The following HNRNPUL2 variants were observed in gnomAD, a reference collection of about 807,000 sequenced individuals.
HNRNPUL2 encodes heterogeneous nuclear ribonucleoprotein U-like protein 2.
In HNRNPUL2, 27 loss-of-function variants were observed where a neutral mutation model predicts 102.2. The observed-to-expected ratio is 0.26, with a 90% CI of 0.19 to 0.36. The LOEUF is 0.36. HNRNPUL2 is among the 10% of genes least tolerant of loss of function. The probability of loss-of-function intolerance (pLI) is 1.00; values close to 1 mark genes in which losing one functional copy is unlikely to be tolerated. For missense variants in HNRNPUL2, 936 were observed against 981.1 expected, an observed-to-expected ratio of 0.95 and a Z score of 0.61; for synonymous variants, 458 against 387.2, an observed-to-expected ratio of 1.18 and a Z score of -2.15.
Position 62,727,274 on chromosome 11 carries a change from C to G in HNRNPUL2, c.-118G>C. 5 of 1,198,858 alleles carry G rather than the reference C, an allele frequency of 4.2e-6. No homozygotes were observed. The highest frequency in any genetic ancestry group is 5.2e-6 in the Non-Finnish European group (5 of 961,626). 74.3% of individuals were successfully genotyped at this position (1,198,858 alleles called of 1,614,324 possible). A position where few individuals can be genotyped will look rare whatever the true frequency, so the allele number is the denominator to read the frequency against. On this transcript the variant is annotated 5_prime_UTR_variant, in exon 1 of 14. Coordinates refer to ENST00000301785, the MANE Select transcript of HNRNPUL2 (RefSeq NM_001079559.3). ...TCCGCCTCACGCGCCAGCACTGAGCCCGCGCGAGCGAGCGCACGCACGCAG... is the reference window on the plus strand; with the variant it reads ...TCCGCCTCACGCGCCAGCACTGAGCGCGCGCGAGCGAGCGCACGCACGCAG...
intron 9 of HNRNPUL2, among the ~76,000 whole-genome samples, chr11:62,720,708 C>T (rs2083695272): frequency 6.6e-6 from 1 of 151,468 alleles, no homozygotes; most frequent in African/African-American, 2.4e-5. Context: ...ACTAAAAATA[C>T]AAAAAATTAG....
rs1394762150 is a variant in HNRNPUL2 at position 62,727,217 on chromosome 11, C to T, written c.-61G>A. 1 of 1,329,584 alleles carries T rather than the reference C, an allele frequency of 7.5e-7. No homozygotes were observed. Among genetic ancestry groups the T allele is most frequent in the Non-Finnish European group, 9.6e-7 (1 of 1,044,142 alleles). The allele number at this position is 1,329,584 out of a possible 1,614,324, so 82.4% of individuals were successfully genotyped here. A position where few individuals can be genotyped will look rare whatever the true frequency, so the allele number is the denominator to read the frequency against. On this transcript the variant is annotated 5_prime_UTR_variant, in exon 1 of 14. Transcript: ENST00000301785. ...TCCCCTGCGAACCGTCGACCGAGTCCGACCGCGCAGGCGCCGCCGCCGCCG... is the reference window on the plus strand; with the variant it reads ...TCCCCTGCGAACCGTCGACCGAGTCTGACCGCGCAGGCGCCGCCGCCGCCG...
In HNRNPUL2 at chr11:62,715,865, C is replaced by T. The variant is rs371447865; in HGVS notation, c.2054G>A (p.Gly685Glu). The T allele has an allele frequency of 2.5e-6, 4 of 1,613,332 alleles. No individual in the cohort carries two copies. In the African/African-American group the frequency reaches 5.3e-5, roughly 22 times the overall value. ...GAGCAGAAGGAGAGCTGCACTCACC[C>T]CTCTGTTTCCAGGCTGCCCCCAGTA... ...QQYWGQPGNR[G>E]GYRNFYDRYR... is the part of the protein sequence containing the mutation. The change falls in exon 12 of 14, where the codon GGG becomes GAG. Residue 685 changes from glycine to glutamate, a missense_variant and splice_region_variant. Around this residue, in one of 2 missense-constraint regions of HNRNPUL2, gnomAD observed 609 missense variants for 713.0 expected, o/e 0.85. Transcript: ENST00000301785.
chr11:62,721,226 C>A, intron 9 of HNRNPUL2, 69 bp downstream of exon 9: 2 of 1,405,054 alleles, frequency 1.4e-6, no homozygotes, highest in Non-Finnish European at 1.9e-6. Flanking sequence ...GCTGACTCTG[C>A]TCCTTAATTC....
rs573645453 is a variant in HNRNPUL2, at chr11:62,714,140, C to G, written c.*1159G>C. 3 of 146,648 alleles carry G rather than the reference C, an allele frequency of 2.0e-5. No homozygotes were observed. Among genetic ancestry groups the G allele is most frequent in the Admixed American group, 6.7e-5 (1 of 14,848 alleles). The allele number at this position is 146,648 out of a possible 1,614,324, so 9.1% of individuals were successfully genotyped here. On this transcript the variant is annotated 3_prime_UTR_variant, in exon 14 of 14. Coordinates refer to ENST00000301785, the MANE Select transcript of HNRNPUL2 (RefSeq NM_001079559.3). ...CAGCCCCACTGAGCTGCCTCCCACC[C>G]CCCCCCACCACCCTCCCCTCTTCTA...
rs1238788319 is a variant in HNRNPUL2, at chr11:62,723,643, A to T, written c.835T>A (p.Ser279Thr). 6.2e-7 allele frequency: 1 copy of T among 1,614,118 alleles called. No homozygotes were observed. The highest frequency in any genetic ancestry group is 8.5e-7 in the Non-Finnish European group (1 of 1,180,012). ...ACTCCGTAAGTACTCCTTGCCCCAG[A>T]CCAAAGGGTGGGGAACTTCTCTGAG... The part of the protein sequence containing the change: ...LFSEKFPTLW[S>T]GARSTYGVTK... The change falls in exon 4 of 14, where the codon TCT becomes ACT. Residue 279 changes from serine (S) to threonine (T), a missense_variant. Physicochemically the swap from Ser to Thr is moderately conservative, Grantham distance 58. Transcript: ENST00000301785.
chr11:62,715,584 T>C lies in HNRNPUL2; in HGVS notation c.2079A>G (p.Arg693=), dbSNP rs377478883. Residue 693 remains arginine, a synonymous_variant, in exon 13 of 14, where the codon CGA becomes CGG. Transcript: ENST00000301785. ...NRGGYRNFYD[R]YRGDYDRFYG... is the part of the protein sequence containing the mutation. ...AAAATCGATCATAGTCTCCCCTGTATCGATCATAGAAATTACGGTAACCCT... is the reference window on the plus strand; with the variant it reads ...AAAATCGATCATAGTCTCCCCTGTACCGATCATAGAAATTACGGTAACCCT... The C allele has an allele frequency of 3.8e-5, 62 of 1,613,124 alleles. No homozygotes were observed. The highest frequency in any genetic ancestry group is 5.3e-5 in the Non-Finnish European group (62 of 1,179,262).
In HNRNPUL2 at chr11:62,724,411, C is replaced by G. The variant is rs1170919986; in HGVS notation, c.554G>C (p.Ser185Thr). The part of the protein sequence containing the change: ...AAEEQGDDQD[S>T]EKSKPAGSDG... ...TGAGCCTGCTGGTTTTGACTTTTCACTATCCTGGTCATCTCCTACAAAAAC... is the reference window on the plus strand; with the variant it reads ...TGAGCCTGCTGGTTTTGACTTTTCAGTATCCTGGTCATCTCCTACAAAAAC... The change falls in exon 2 of 14, where the codon AGT (serine) becomes ACT (threonine). Residue 185 changes from serine (S) to threonine (T), a missense_variant. Ser to Thr is a moderately conservative substitution (Grantham distance 58, BLOSUM62 1). This residue lies in a region of HNRNPUL2 where 609 missense variants were observed against 713.0 expected (regional missense o/e 0.85). Transcript: ENST00000301785. 1.9e-6 allele frequency: 3 copies of G among 1,614,100 alleles called. No individual in the cohort carries two copies. The African/African-American group carries it at 4.0e-5, about 22-fold the overall frequency.
chr11:62,717,780 G>A (rs971556386), intron 10 of HNRNPUL2, among the ~76,000 whole-genome samples: 2 of 152,156 alleles, frequency 1.3e-5, no homozygotes, highest in Admixed American at 6.5e-5. Flanking sequence ...CTCTGGCCTC[G>A]CTGACAGAAG....
intron 10 of HNRNPUL2, among the ~76,000 whole-genome samples, chr11:62,718,733 CAA>C (rs2083678900): frequency 7.0e-6 from 1 of 143,438 alleles, no homozygotes. Context: ...GAAATGTAGA[CAA>C]ACAGTAGATG....
At chr11:62,722,011 G>A (rs759665902) in intron 7 of HNRNPUL2, 69 bp from the exon 8 acceptor site, 246 of 1,607,122 alleles carry the variant, frequency 1.5e-4, no homozygotes, top group Non-Finnish European at 2.0e-4. Context: ...ACCAATTTAA[G>A]AACATCCTCC....
At chr11:62,724,493 T>C (rs1466322108) in intron 1 of HNRNPUL2, 67 bp from the exon 2 acceptor site, 20 of 1,554,736 alleles carry the variant, frequency 1.3e-5, no homozygotes, top group South Asian at 1.1e-5. Context: ...TCACAACTAA[T>C]AGACACTAAC....
intron 1 of HNRNPUL2, among the ~76,000 whole-genome samples, chr11:62,726,369 G>A (rs1328654330): frequency 2.0e-5 from 3 of 152,196 alleles, no homozygotes; most frequent in Non-Finnish European, 4.4e-5. Flanking sequence ...TAGTTCGCAT[G>A]CAAAATCACT....
At position 62,712,864 on chromosome 11, in the gene HNRNPUL2, C is replaced by G. The variant is rs1265106389; in HGVS notation, c.*2435G>C. On this transcript the variant is annotated 3_prime_UTR_variant, in exon 14 of 14. Coordinates refer to ENST00000301785, the MANE Select transcript of HNRNPUL2 (RefSeq NM_001079559.3). The stretch of plus-strand genomic sequence containing the variant: ...TGTGGTGTTTTTCTCACAAGCTTTC[C>G]TGTCTACAACTACAACAGACGTCTG... 1.3e-5 allele frequency: 2 copies of G among 152,170 alleles called. No homozygotes were observed. Among genetic ancestry groups the G allele is most frequent in the African/African-American group, 4.8e-5 (2 of 41,442 alleles). 9.4% of individuals were successfully genotyped at this position (152,170 alleles called of 1,614,324 possible).
intron 11 of HNRNPUL2, among the ~76,000 whole-genome samples, 193 bp downstream of exon 11, chr11:62,716,796 G>C (rs534790240): frequency 6.6e-6 from 1 of 152,298 alleles, no homozygotes; most frequent in South Asian, 2.1e-4. Context: ...TTTTGTTGTT[G>C]TTGAAGAATT....
At chr11:62,722,417 C>G in intron 6 of HNRNPUL2, 37 bp from the exon 7 acceptor site, 1 of 1,602,510 alleles carries the variant, frequency 6.2e-7, no homozygotes, top group Non-Finnish European at 8.5e-7. Context: ...TATTGGCTGA[C>G]GAGGCTTTGG....
In HNRNPUL2 at chr11:62,715,563, T is replaced by C. The variant is rs1415351296; in HGVS notation, c.2100A>G (p.Arg700=). Reference sequence around the variant, plus strand: ...TGTACTCATAATCTCGCCCGTAAAATCGATCATAGTCTCCCCTGTATCGAT... The same window carrying C: ...TGTACTCATAATCTCGCCCGTAAAACCGATCATAGTCTCCCCTGTATCGAT... ...FYDRYRGDYD[R]FYGRDYEYNR... is the part of the protein sequence containing the mutation. Residue 700 remains arginine (R), a synonymous_variant, in exon 13 of 14, where the codon CGA becomes CGG. Coordinates refer to ENST00000301785, the MANE Select transcript of HNRNPUL2 (RefSeq NM_001079559.3). 1 of 1,613,298 alleles carries C rather than the reference T, an allele frequency of 6.2e-7. No homozygotes were observed. Among genetic ancestry groups the C allele is most frequent in the East Asian group, 2.2e-5 (1 of 44,852 alleles).
At chr11:62,718,787 C>G (rs2083679232) in intron 10 of HNRNPUL2, among the ~76,000 whole-genome samples, 1 of 150,358 alleles carries the variant, frequency 6.7e-6, no homozygotes, top group African/African-American at 2.4e-5. Context: ...TTCACAGAAG[C>G]CTCTCCCTTG....
intron 11 of HNRNPUL2, among the ~76,000 whole-genome samples, chr11:62,716,661 C>T (rs2083662607): frequency 6.6e-6 from 1 of 152,168 alleles, no homozygotes; most frequent in Admixed American, 6.5e-5. Flanking sequence ...TCAGATAAGA[C>T]AGGAACAGTG....
Sources: gnomAD v4.1 joint callset for allele counts (sites outside exome capture counted in the v4.1 genomes callset) on GRCh38, gnomAD v4.1.1 for gene constraint, gnomAD v4.1.1 regional missense constraint, MANE v1.5 for transcripts, NCBI Gene and HGNC (gene_info 2026-07-23, HGNC 2026-07-21) for gene names.